Variants in DNAJC9 observed in about 807,000 individuals in gnomAD.
DNAJC9 encodes the protein DnaJ heat shock protein family (Hsp40) member C9, also known as dnaJ homolog subfamily C member 9.
DNAJC9 carries 18 observed loss-of-function variants against 32.4 expected under a neutral mutation model. That is an observed-to-expected ratio of 0.56 (90% confidence interval 0.38 to 0.82). DNAJC9 has a LOEUF of 0.82. Ranked by LOEUF, DNAJC9 falls within the 40% of genes least tolerant of loss-of-function variation. The pLI, the probability that DNAJC9 is intolerant of heterozygous loss-of-function variation, is 0.00. For missense variants in DNAJC9, 310 were observed against 321.8 expected (o/e 0.96, Z 0.28); for synonymous variants, 113 against 122.1 (o/e 0.93, Z 0.49).
At chr10:73,240,676 C>T (rs1038580938), downstream of DNAJC9, among the ~76,000 whole-genome samples, 1 of 150,552 alleles carries the variant, frequency 6.6e-6, no homozygotes, top group Non-Finnish European at 1.5e-5. Flanking sequence ...CATGCCACTG[C>T]ACCTCCAGCC....
At chr10:73,235,275 T>C (rs2043797148), downstream of DNAJC9, 1 of 1,552,112 alleles carries the variant, frequency 6.4e-7, no homozygotes, top group East Asian at 2.4e-5. Context: ...AGGCTCCTTT[T>C]GCCCGACTTT....
chr10:73,239,138 G>C, downstream of DNAJC9: 1 of 545,662 alleles, frequency 1.8e-6, no homozygotes, highest in Non-Finnish European at 3.3e-6. Context: ...TGGGCATCTG[G>C]CTTGGGATTT....
downstream of DNAJC9, among the ~76,000 whole-genome samples, chr10:73,237,673 T>C (rs1463348464): frequency 6.6e-6 from 1 of 152,062 alleles, no homozygotes; most frequent in Non-Finnish European, 1.5e-5. Context: ...CCACCTACCT[T>C]GGCCTCCCAA....
chr10:73,244,874 C>T (rs553753461), intron 3 of DNAJC9, among the ~76,000 whole-genome samples: 16 of 152,218 alleles, frequency 1.1e-4, no homozygotes, highest in South Asian at 4.2e-4. Context: ...AATAAGACAC[C>T]GTTTCCTTGT....
rs760980554 is a variant in DNAJC9, at chr10:73,246,796, G to A, written c.213C>T (p.Asp71=). The stretch of plus-strand genomic sequence containing the variant: ...CATCGTACACTGCTCTCTGTTCTCT[G>A]TCACTGAGAACGGAATAGACTTTTC... ...ILGKVYSVLS[D]REQRAVYDEQ... Residue 71 remains aspartate (D), a synonymous_variant, in exon 2 of 5, where the codon GAC becomes GAT. Transcript: ENST00000372950. 3 of 1,614,066 alleles carry A rather than the reference G, an allele frequency of 1.9e-6. No homozygotes were observed. Among genetic ancestry groups the A allele is most frequent in the African/African-American group, 2.7e-5 (2 of 74,932 alleles).
chr10:73,244,504 G>GAAAAAAAAAA (rs796100576), intron 3 of DNAJC9: 5 of 69,790 alleles, frequency 7.2e-5, no homozygotes, highest in Non-Finnish European at 9.6e-5. Flanking sequence ...AGAAAAAAGA[G>GAAAAAAAAAA]AAAAAAAAAA....
chr10:73,240,067 A>G (rs1342631600), downstream of DNAJC9, among the ~76,000 whole-genome samples: 1 of 152,172 alleles, frequency 6.6e-6, no homozygotes, highest in African/African-American at 2.4e-5. Context: ...TAGGGCTACA[A>G]GCAGTGCCAC....
At chr10:73,244,781 CCCCAACA>C (rs1477430571) in intron 3 of DNAJC9, among the ~76,000 whole-genome samples, 1 of 152,120 alleles carries the variant, frequency 6.6e-6, no homozygotes, top group Non-Finnish European at 1.5e-5. Flanking sequence ...CTATAAGAGG[CCCCAACA>C]CCCCTTGTGA....
At chr10:73,235,031 T>C (rs923297265), downstream of DNAJC9, 5 of 1,498,446 alleles carry the variant, frequency 3.3e-6, no homozygotes, top group African/African-American at 4.2e-5. Flanking sequence ...TCTTGATTTA[T>C]ACTGTGTTTT....
chr10:73,246,903 AG>A, intron 1 of DNAJC9, 75 bp from the exon 2 acceptor site: 1 of 1,605,434 alleles, frequency 6.2e-7, no homozygotes, highest in Non-Finnish European at 8.5e-7. Context: ...AAAGATCAGA[AG>A]GCGCCAAGCG....
intron 4 of DNAJC9, 135 bp from the exon 5 acceptor site, chr10:73,243,654 A>C: frequency 8.0e-7 from 1 of 1,243,564 alleles, no homozygotes; most frequent in Non-Finnish European, 1.1e-6. Context: ...AAAATGTCCT[A>C]CAATTGGTGT....
chr10:73,234,698 C>T (rs11819270), downstream of DNAJC9: 5 of 1,090,390 alleles, frequency 4.6e-6, no homozygotes, highest in East Asian at 5.2e-5. Context: ...CATAGGTAGC[C>T]TAAAGCTTTC....
chr10:73,246,028 G>A lies in DNAJC9; in HGVS notation c.470C>T (p.Pro157Leu). 1 of 1,613,684 alleles carries A rather than the reference G, an allele frequency of 6.2e-7. No individual in the cohort carries two copies. The highest frequency in any genetic ancestry group is 8.5e-7 in the Non-Finnish European group (1 of 1,179,808). ...TTGCTGAATGATATTCCTTATCCTG[G>A]GTTCCTCTGTGTACTGCACGCAAAG... ...SVLCVQYTEE[P>L]RIRNIIQQAI... The change falls in exon 3 of 5, where the codon CCC becomes CTC. Residue 157 changes from proline (P) to leucine (L), a missense_variant. By Grantham distance (98) the Pro-to-Leu change is moderately conservative. Coordinates refer to ENST00000372950, the MANE Select transcript of DNAJC9 (RefSeq NM_015190.5).
chr10:73,246,193 T>C lies in DNAJC9; in HGVS notation c.322-17A>G, dbSNP rs1183382063. ...TAAAGATATCTGATGATAAAGGAGA[T>C]TTGCTTTAACTTTGGGAATTTTACT... On this transcript the variant is annotated splice_polypyrimidine_tract_variant and intron_variant, in intron 2 of 4. Transcript: ENST00000372950. The C allele has an allele frequency of 1.9e-6, 3 of 1,589,156 alleles. No homozygotes were observed. The highest frequency in any genetic ancestry group is 1.7e-6 in the Non-Finnish European group (2 of 1,174,362).
At chr10:73,239,176 C>T (rs1388155947), downstream of DNAJC9, 5 of 650,968 alleles carry the variant, frequency 7.7e-6, no homozygotes, top group Non-Finnish European at 8.0e-6. Context: ...CCAGTGCACT[C>T]AGCTGACTTT....
chr10:73,246,822 C>G lies in DNAJC9; in HGVS notation c.187G>C (p.Gly63Arg). 6.2e-7 allele frequency: 1 copy of G among 1,614,146 alleles called. No homozygotes were observed. ...TCACTGAGAACGGAATAGACTTTTC[C>G]CAGGATCTGAGGGCAAAGAGTATCC... Reference protein sequence around the residue: ...EDATRRFQILGKVYSVLSDRE... With the variant: ...EDATRRFQILRKVYSVLSDRE... Residue 63 changes from glycine to arginine, a missense_variant, in exon 2 of 5, where the codon GGA (glycine) becomes CGA (arginine). Transcript: ENST00000372950.
downstream of DNAJC9, among the ~76,000 whole-genome samples, chr10:73,236,864 T>C (rs188979227): frequency 2.0e-5 from 3 of 151,694 alleles, no homozygotes; most frequent in Admixed American, 6.6e-5. Flanking sequence ...TACAGGCACA[T>C]GCCACCATGC....
rs572474762 is a variant in DNAJC9, at chr10:73,247,251, G to C, written c.-62C>G. The C allele has an allele frequency of 1.3e-6, 2 of 1,543,948 alleles. No homozygotes were observed. Among genetic ancestry groups the C allele is most frequent in the East Asian group, 2.4e-5 (1 of 41,022 alleles). ...TCCCAGCTGCGCCGGGTACAACCCA[G>C]GACTGCTTCTTTTTCGCGCCCAAAA... On this transcript the variant is annotated 5_prime_UTR_variant, in exon 1 of 5. Coordinates refer to ENST00000372950, the MANE Select transcript of DNAJC9 (RefSeq NM_015190.5).
In DNAJC9 at chr10:73,243,938, G is replaced by A; in HGVS notation, c.577-9C>T. ...TTGGCCTCTTCCTGAGCCTGAAACA[G>A]GAACTCACATGAGACTCAGGGCCAC... On this transcript the variant is annotated splice_polypyrimidine_tract_variant and intron_variant, in intron 3 of 4. Coordinates refer to ENST00000372950, the MANE Select transcript of DNAJC9 (RefSeq NM_015190.5). 6.2e-7 allele frequency: 1 copy of A among 1,613,252 alleles called. No individual in the cohort carries two copies. The highest frequency in any genetic ancestry group is 8.5e-7 in the Non-Finnish European group (1 of 1,179,652).
Sources: gnomAD v4.1 joint callset for allele counts (sites outside exome capture counted in the v4.1 genomes callset) on GRCh38, gnomAD v4.1.1 for gene constraint, MANE v1.5 for transcripts, NCBI Gene and HGNC (gene_info 2026-07-23, HGNC 2026-07-21) for gene names.